Variants in TRAM1 observed in about 807,000 individuals in gnomAD.
The protein encoded by TRAM1 is translocating chain-associated membrane protein 1.
Under a neutral mutation model 48.7 loss-of-function variants are expected in TRAM1, and 17 were observed. The ratio of observed to expected loss-of-function variants is 0.35; its 90% CI spans 0.24 to 0.52. The LOEUF (loss-of-function observed/expected upper bound fraction) is 0.52, where lower values mean the gene tolerates loss of function less well. Among genes scored for constraint, TRAM1 ranks in the 20% least tolerant of loss-of-function variants. The pLI, the probability that TRAM1 is intolerant of heterozygous loss-of-function variation, is 0.94. For missense variants in TRAM1, 351 were observed against 441.5 expected (o/e 0.79, Z 1.84); for synonymous variants, 182 against 154.0 (o/e 1.18, Z -1.34).
Position 70,583,790 on chromosome 8 carries a change from A to C in TRAM1, c.750T>G (p.Phe250Leu). Residue 250 changes from phenylalanine (F) to leucine (L), a missense_variant, in exon 9 of 11, where the codon TTT becomes TTG. Phe to Leu is a conservative substitution (Grantham distance 22, BLOSUM62 0). Transcript: ENST00000262213. ...YFSNEKYQKG[F>L]SLWAVLFVLG... ...AAACAAAAAGAACTGCCCACAGAGA[A>C]AATCTGCAAGAAAAAGGCCGTAAGT... 1.3e-6 allele frequency: 2 copies of C among 1,535,998 alleles called. No individual in the cohort carries two copies. The highest frequency in any genetic ancestry group is 1.7e-6 in the Non-Finnish European group (2 of 1,148,278).
chr8:70,589,452 T>C (rs749339110), intron 6 of TRAM1, among the ~76,000 whole-genome samples: 57 of 152,230 alleles, frequency 3.7e-4, no homozygotes, highest in Non-Finnish European at 7.5e-4. Flanking sequence ...AGTGCCACTA[T>C]ATATATGCCA....
chr8:70,594,361 G>A lies in TRAM1; in HGVS notation c.570+145C>T, dbSNP rs571067140. On this transcript the variant is annotated intron_variant, in intron 6 of 10. Coordinates refer to ENST00000262213, the MANE Select transcript of TRAM1 (RefSeq NM_014294.6). ...AAGGATTTTAGGCTTTGTGGAAAGA[G>A]GGTTGGTGGGAGAATGATGGGGTAA... 248 of 389,730 alleles carry A rather than the reference G, an allele frequency of 6.4e-4. 1 individual carries two copies. The highest frequency in any genetic ancestry group is 1.9e-3 in the African/African-American group (87 of 45,652). 24.1% of individuals were successfully genotyped at this position (389,730 alleles called of 1,614,324 possible). A position where few individuals can be genotyped will look rare whatever the true frequency, so the allele number is the denominator to read the frequency against.
In TRAM1 at chr8:70,583,667, G is replaced by A; in HGVS notation, c.873C>T (p.Phe291=). Residue 291 remains phenylalanine, a synonymous_variant, in exon 9 of 11, where the codon TTC becomes TTT. Transcript: ENST00000262213. The part of the protein sequence containing the change: ...NQKLDFSTGN[F]NVLAVRIAVL... ...GATCGTACCTAACAGCTAACACATT[G>A]AAGTTTCCAGTACTGAAATCCAGCT... The A allele has an allele frequency of 6.2e-7, 1 of 1,612,858 alleles. No homozygotes were observed. Among genetic ancestry groups the A allele is most frequent in the Non-Finnish European group, 8.5e-7 (1 of 1,179,714 alleles).
intron 6 of TRAM1, among the ~76,000 whole-genome samples, chr8:70,592,046 T>A (rs1817377946): frequency 6.6e-6 from 1 of 152,184 alleles, no homozygotes; most frequent in Non-Finnish European, 1.5e-5. Flanking sequence ...TTATATGATA[T>A]GCAATTATAG....
chr8:70,607,555 T>C, intron 1 of TRAM1: 2 of 912,282 alleles, frequency 2.2e-6, no homozygotes, highest in Non-Finnish European at 2.6e-6. Flanking sequence ...GGGGCTCCCC[T>C]GTCACTCGGG....
At chr8:70,593,642 T>C (rs1817417398) in intron 6 of TRAM1, among the ~76,000 whole-genome samples, 1 of 149,978 alleles carries the variant, frequency 6.7e-6, no homozygotes, top group East Asian at 1.9e-4. Context: ...TGAAAGTACT[T>C]GATTAATTTA....
chr8:70,574,940 A>C lies in TRAM1; in HGVS notation c.1117T>G (p.Ser373Ala), dbSNP rs1334387998. 14 of 1,603,134 alleles carry C rather than the reference A, an allele frequency of 8.7e-6. No individual in the cohort carries two copies. The highest frequency in any genetic ancestry group is 1.1e-5 in the Non-Finnish European group (13 of 1,171,562). The stretch of plus-strand genomic sequence containing the variant: ...AATTAGTTTATAATTCATTATGAAG[A>C]TTTCTCTTTTTTATTCCGGGGAGAG... ...ADSPRNKKEK[S>A]S The change falls in exon 11 of 11, where the codon TCT (serine) becomes GCT (alanine). Residue 373 changes from serine to alanine, a missense_variant. By Grantham distance (99) the Ser-to-Ala change is moderately conservative. Coordinates refer to ENST00000262213, the MANE Select transcript of TRAM1 (RefSeq NM_014294.6).
intron 2 of TRAM1, among the ~76,000 whole-genome samples, chr8:70,599,806 C>CA (rs1266810247): frequency 6.6e-6 from 1 of 152,128 alleles, no homozygotes; most frequent in Admixed American, 6.5e-5. Context: ...AGTCCATTCA[C>CA]AAAAATATAT....
intron 10 of TRAM1, among the ~76,000 whole-genome samples, chr8:70,578,007 C>T (rs761239827): frequency 3.9e-5 from 6 of 152,218 alleles, no homozygotes; most frequent in Non-Finnish European, 8.8e-5. Flanking sequence ...TGTGTGCTTG[C>T]CCACACACCC....
chr8:70,579,832 C>G (rs1352929932), intron 10 of TRAM1, among the ~76,000 whole-genome samples: 1 of 152,002 alleles, frequency 6.6e-6, no homozygotes, highest in Non-Finnish European at 1.5e-5. Context: ...TTAGTCCTAG[C>G]TAGTGTAATA....
Position 70,581,929 on chromosome 8 carries a change from T to C in TRAM1, c.1051+1235A>G, listed in dbSNP as rs574406194. 4.7e-4 allele frequency among the ~76,000 whole-genome samples: 72 copies of C among 151,918 alleles called. 1 individual carries two copies. The highest frequency in any genetic ancestry group is 7.4e-4 in the Non-Finnish European group (50 of 67,986). On this transcript the variant is annotated intron_variant, in intron 10 of 10. Transcript: ENST00000262213. Reference sequence around the variant, plus strand: ...AAGGCCAATCCTTAGAGACAGAAAATAGATTAGAGGGTGCCGGAGCAGAAT... The same window carrying C: ...AAGGCCAATCCTTAGAGACAGAAAACAGATTAGAGGGTGCCGGAGCAGAAT...
chr8:70,591,963 A>C (rs1334330554), intron 6 of TRAM1, among the ~76,000 whole-genome samples: 1 of 152,242 alleles, frequency 6.6e-6, no homozygotes, highest in African/African-American at 2.4e-5. Flanking sequence ...AGATACTAAC[A>C]TCAAAGTTGC....
At chr8:70,584,488 T>C (rs1188395637) in intron 8 of TRAM1, among the ~76,000 whole-genome samples, 8 of 152,194 alleles carry the variant, frequency 5.3e-5, no homozygotes, top group African/African-American at 1.2e-4. Context: ...AGTGGAAGTC[T>C]AATTGTCCCT....
chr8:70,603,303 T>TACACAC lies in TRAM1; in HGVS notation c.124-3227_124-3222dup, dbSNP rs35864770. 7.3e-4 allele frequency among the ~76,000 whole-genome samples: 109 copies of TACACAC among 150,062 alleles called. 1 individual carries two copies. Among genetic ancestry groups the TACACAC allele is most frequent in the African/African-American group, 1.5e-3 (61 of 40,770 alleles). ...ATATACACACTATATATATGTTTTA[T>TACACAC]ACACACACACACACACACACACACA... On this transcript the variant is annotated intron_variant, in intron 1 of 10. Transcript: ENST00000262213.
At chr8:70,583,926 T>G (rs1303528952) in intron 8 of TRAM1, 133 bp from the exon 9 acceptor site, 1 of 1,036,062 alleles carries the variant, frequency 9.7e-7, no homozygotes, top group Non-Finnish European at 1.3e-6. Context: ...GGCAGGAGAA[T>G]TGCTTGAAAC....
rs1169280841 is a variant in TRAM1 at position 70,574,122 on chromosome 8, A to G, written c.*810T>C. ...GTTAAACTTTTCTAAGATGCTGTGC[A>G]TATTAAACTTATTATGAGCCCCATT... On this transcript the variant is annotated 3_prime_UTR_variant, in exon 11 of 11. Coordinates refer to ENST00000262213, the MANE Select transcript of TRAM1 (RefSeq NM_014294.6). The G allele has an allele frequency of 6.4e-6, 2 of 311,198 alleles. No homozygotes were observed. The highest frequency in any genetic ancestry group is 4.7e-5 in the African/African-American group (2 of 42,902). The allele number at this position is 311,198 out of a possible 1,614,324, so 19.3% of individuals were successfully genotyped here.
intron 1 of TRAM1, 88 bp downstream of exon 1, chr8:70,607,989 C>A: frequency 7.0e-7 from 1 of 1,434,134 alleles, no homozygotes; most frequent in South Asian, 1.4e-5. Flanking sequence ...CCCCCGCGTC[C>A]TGGGCGGAGA....
rs1563383644 is a variant in TRAM1, at chr8:70,586,910, T to C, written c.731A>G (p.Glu244Gly). The C allele has an allele frequency of 1.9e-6, 3 of 1,613,744 alleles. No homozygotes were observed. The highest frequency in any genetic ancestry group is 2.5e-6 in the Non-Finnish European group (3 of 1,179,778). The change falls in exon 8 of 11, where the codon GAA (glutamate) becomes GGA (glycine). Residue 244 changes from glutamate (E) to glycine (G), a missense_variant. By Grantham distance (98) the Glu-to-Gly change is moderately conservative. Coordinates refer to ENST00000262213, the MANE Select transcript of TRAM1 (RefSeq NM_014294.6). ...HISRLFYFSN[E>G]KYQKGFSLWA... Reference sequence around the variant, plus strand: ...AACAACTTACCCTTTCTGATACTTTTCATTGCTAAAATAAAACAGGCGGGA... The same window carrying C: ...AACAACTTACCCTTTCTGATACTTTCCATTGCTAAAATAAAACAGGCGGGA...
At chr8:70,583,928 G>T in intron 8 of TRAM1, 135 bp from the exon 9 acceptor site, 2 of 994,164 alleles carry the variant, frequency 2.0e-6, no homozygotes, top group Non-Finnish European at 2.8e-6. Context: ...CAGGAGAATT[G>T]CTTGAAACCA....
Sources: allele counts gnomAD v4.1 joint callset (sites outside exome capture counted in the v4.1 genomes callset), GRCh38; gene constraint gnomAD v4.1.1; transcripts MANE v1.5; gene names NCBI Gene and HGNC (gene_info 2026-07-23, HGNC 2026-07-21).